SCN3A: variants seen among roughly 807,000 people sequenced by gnomAD.
SCN3A encodes the protein sodium channel protein type 3 subunit alpha.
Under a neutral mutation model 187.6 loss-of-function variants are expected in SCN3A, and 60 were observed. The ratio of observed to expected loss-of-function variants is 0.32; its 90% confidence interval spans 0.26 to 0.40. SCN3A has a LOEUF of 0.40. Among genes scored for constraint, SCN3A ranks in the 10% least tolerant of loss-of-function variants. The probability of loss-of-function intolerance (pLI) is 1.00; values close to 1 mark genes in which losing one functional copy is unlikely to be tolerated. For synonymous variants in SCN3A, 788 were observed against 829.2 expected (o/e 0.95, Z 0.85); for missense variants, 1,601 against 2,428.2 (o/e 0.66, Z 7.16).
chr2:165,166,873 T>C (rs1424833792), intron 5 of SCN3A, among the ~76,000 whole-genome samples: 3 of 152,002 alleles, frequency 2.0e-5, no homozygotes, highest in African/African-American at 7.2e-5. Context: ...ACTGCTTCTT[T>C]AGAAAGAGAG....
At chr2:165,161,085 G>A (rs894481693) in intron 9 of SCN3A, among the ~76,000 whole-genome samples, 1 of 150,262 alleles carries the variant, frequency 6.7e-6, no homozygotes, top group African/African-American at 2.4e-5. Context: ...ACAATGCCTG[G>A]CTAAGTTTTT....
chr2:165,186,724 T>C lies in SCN3A; in HGVS notation c.-224A>G, dbSNP rs1691266399. ...CTGTCAAACCTTGATGTGGCTTGGCTTCAGTTTTCTTGCTCCATAATCTCT... is the reference window on the plus strand; with the variant it reads ...CTGTCAAACCTTGATGTGGCTTGGCCTCAGTTTTCTTGCTCCATAATCTCT... On this transcript the variant is annotated 5_prime_UTR_variant, in exon 2 of 28. Coordinates refer to ENST00000283254, the MANE Select transcript of SCN3A (RefSeq NM_006922.4). 1 of 152,202 alleles carries C rather than the reference T, an allele frequency of 6.6e-6. No individual in the cohort carries two copies. The highest frequency in any genetic ancestry group is 2.4e-5 in the African/African-American group (1 of 41,442). The allele number at this position is 152,202 out of a possible 1,614,324, so 9.4% of individuals were successfully genotyped here.
chr2:165,137,152 T>C (rs1449200568), intron 15 of SCN3A, among the ~76,000 whole-genome samples: 1 of 152,136 alleles, frequency 6.6e-6, no homozygotes, highest in Admixed American at 6.6e-5. Flanking sequence ...TCTAAGCCCT[T>C]GATGAAAACT....
chr2:165,139,341 T>C, intron 14 of SCN3A, 135 bp downstream of exon 14: 1 of 1,184,002 alleles, frequency 8.4e-7, no homozygotes, highest in Non-Finnish European at 1.2e-6. Flanking sequence ...GATAATGTAC[T>C]CCATATATCA....
intron 2 of SCN3A, among the ~76,000 whole-genome samples, chr2:165,183,504 C>T (rs1286548510): frequency 6.6e-6 from 1 of 152,168 alleles, no homozygotes; most frequent in African/African-American, 2.4e-5. Context: ...CCAGCCAATA[C>T]AATGAGTACA....
At chr2:165,142,781 C>T (rs1243329546) in intron 12 of SCN3A, among the ~76,000 whole-genome samples, 2 of 149,512 alleles carry the variant, frequency 1.3e-5, no homozygotes, top group African/African-American at 2.4e-5. Flanking sequence ...GGCAGAGTTT[C>T]GCTCTGTCGC....
intron 2 of SCN3A, among the ~76,000 whole-genome samples, chr2:165,182,760 T>C (rs571412113): frequency 8.5e-5 from 13 of 152,112 alleles, no homozygotes; most frequent in South Asian, 4.2e-4. Context: ...GGATATAGAA[T>C]TAAAATATGG....
At chr2:165,122,231 TTTTTTTTC>T (rs1427894326) in intron 18 of SCN3A, among the ~76,000 whole-genome samples, 4 of 69,614 alleles carry the variant, frequency 5.7e-5, no homozygotes, top group Non-Finnish European at 5.9e-5. Context: ...TCTTTCTTTC[TTTTTTTTC>T]TTTTTTTTTT....
intron 10 of SCN3A, 51 bp from the exon 11 acceptor site, chr2:165,154,709 A>T: frequency 5.3e-6 from 8 of 1,501,862 alleles, no homozygotes; most frequent in Non-Finnish European, 6.5e-6. Flanking sequence ...AATGTCCCCA[A>T]ATAAATATCT....
Position 165,090,347 on chromosome 2 carries a change from T to C in SCN3A, c.5806A>G (p.Ile1936Val). ...NYNKEAIKGR[I>V]DLPIKQDMII... Reference sequence around the variant, plus strand: ...ATGTCTTGTTTTATAGGTAAGTCAATCCTCCCTTTAATTGCCTCTTTGTTA... The same window carrying C: ...ATGTCTTGTTTTATAGGTAAGTCAACCCTCCCTTTAATTGCCTCTTTGTTA... Residue 1936 changes from isoleucine (I) to valine (V), a missense_variant, in exon 28 of 28, where the codon ATT (isoleucine) becomes GTT (valine). Around this residue, in one of 11 missense-constraint regions of SCN3A, gnomAD observed 87 missense variants for 89.2 expected, o/e 0.98. Coordinates refer to ENST00000283254, the MANE Select transcript of SCN3A (RefSeq NM_006922.4). The surrounding 1 kb of genome is among the most constrained non-coding windows in gnomAD (Gnocchi z 4.0). The C allele has an allele frequency of 1.2e-6, 2 of 1,613,250 alleles. No individual in the cohort carries two copies. The highest frequency in any genetic ancestry group is 1.7e-6 in the Non-Finnish European group (2 of 1,179,302).
At chr2:165,187,240 GATAA>G (rs1691300571) in intron 1 of SCN3A, among the ~76,000 whole-genome samples, 1 of 152,086 alleles carries the variant, frequency 6.6e-6, no homozygotes, top group Non-Finnish European at 1.5e-5. Flanking sequence ...ACTAAAATAA[GATAA>G]ATAAACCTAT....
At position 165,113,193 on chromosome 2, in the gene SCN3A, C is replaced by CA. The variant is rs1282458363; in HGVS notation, c.3670-136dup. 7 of 703,896 alleles carry CA rather than the reference C, an allele frequency of 9.9e-6. No individual in the cohort carries two copies. The East Asian group carries it at 1.6e-4, about 16-fold the overall frequency. The allele number at this position is 703,896 out of a possible 1,614,324, so 43.6% of individuals were successfully genotyped here. ...TTTTACATAAACATTGAACATCAGA[C>CA]AAAATCTAAAGACTAAACTAAGTGT... On this transcript the variant is annotated intron_variant, in intron 20 of 27. Transcript: ENST00000283254.
At position 165,138,010 on chromosome 2, in the gene SCN3A, T is replaced by C. The variant is rs1687770510; in HGVS notation, c.2260A>G (p.Asn754Asp). The C allele has an allele frequency of 8.1e-6, 13 of 1,613,566 alleles. No individual in the cohort carries two copies. Among genetic ancestry groups the C allele is most frequent in the Non-Finnish European group, 1.1e-5 (13 of 1,179,608 alleles). ...ACAAATGGATCCATAACAATTAAATTCACAAGATGTTTTACTTTTAACCAT... is the reference window on the plus strand; with the variant it reads ...ACAAATGGATCCATAACAATTAAATCCACAAGATGTTTTACTTTTAACCAT... ...DAWLKVKHLV[N>D]LIVMDPFVDL... Residue 754 changes from asparagine (N) to aspartate (D), a missense_variant, in exon 15 of 28, where the codon AAT becomes GAT. Asn to Asp is a conservative substitution (Grantham distance 23, BLOSUM62 1). Transcript: ENST00000283254.
At chr2:165,151,983 A>T (rs772585316) in intron 11 of SCN3A, among the ~76,000 whole-genome samples, 1 of 152,204 alleles carries the variant, frequency 6.6e-6, no homozygotes, top group Non-Finnish European at 1.5e-5. Flanking sequence ...AATAAATGGT[A>T]TGCTGGTCCT....
In SCN3A at chr2:165,091,126, T is replaced by A; in HGVS notation, c.5027A>T (p.Asn1676Ile). The A allele has an allele frequency of 1.2e-6, 2 of 1,614,020 alleles. No homozygotes were observed. The highest frequency in any genetic ancestry group is 1.7e-6 in the Non-Finnish European group (2 of 1,179,990). Residue 1676 changes from asparagine (N) to isoleucine (I), a missense_variant, in exon 28 of 28, where the codon AAC (asparagine) becomes ATC (isoleucine). Physicochemically the swap from Asn to Ile is moderately radical, Grantham distance 149. Around this residue, in one of 11 missense-constraint regions of SCN3A, gnomAD observed 320 missense variants for 623.2 expected, o/e 0.51. Transcript: ENST00000283254. ...MFIYAIFGMS[N>I]FAYVKKEAGI... ...AGCTTCCTTTTTAACATAGGCAAAG[T>A]TGGACATCCCAAAGATGGCATAGAT...
intron 15 of SCN3A, among the ~76,000 whole-genome samples, chr2:165,133,163 AAC>A: frequency 6.6e-6 from 1 of 152,272 alleles, no homozygotes; most frequent in South Asian, 2.1e-4. Flanking sequence ...GAGAAATAGG[AAC>A]ACTTTTACAC....
At chr2:165,114,826 A>G (rs749248524) in intron 19 of SCN3A, among the ~76,000 whole-genome samples, 1 of 152,188 alleles carries the variant, frequency 6.6e-6, no homozygotes, top group Non-Finnish European at 1.5e-5. Flanking sequence ...TACAATATCA[A>G]TGACATGACA....
chr2:165,172,856 A>G (rs1005954556), intron 3 of SCN3A, among the ~76,000 whole-genome samples: 1 of 152,190 alleles, frequency 6.6e-6, no homozygotes, highest in Non-Finnish European at 1.5e-5. Flanking sequence ...TGTCTCAGGA[A>G]CAATACCTGA....
At chr2:165,141,368 A>G (rs910147836) in intron 12 of SCN3A, among the ~76,000 whole-genome samples, 1 of 152,192 alleles carries the variant, frequency 6.6e-6, no homozygotes, top group Non-Finnish European at 1.5e-5. Flanking sequence ...AGTAGCTTCT[A>G]CTTCTTAATG....
Sources: gnomAD v4.1 joint callset for allele counts (sites outside exome capture counted in the v4.1 genomes callset) on GRCh38, gnomAD v4.1.1 for gene constraint, gnomAD v4.1.1 regional missense constraint, Gnocchi (gnomAD v3.1) non-coding constraint, MANE v1.5 for transcripts, NCBI Gene and HGNC (gene_info 2026-07-23, HGNC 2026-07-21) for gene names.